Variants in AGPAT1 observed in about 807,000 individuals in gnomAD.
AGPAT1 encodes the protein 1-acylglycerol-3-phosphate O-acyltransferase 1, also known as 1-acyl-sn-glycerol-3-phosphate acyltransferase alpha.
Under a neutral mutation model 31.2 loss-of-function variants are expected in AGPAT1, and 6 were observed. The observed-to-expected ratio is 0.19, with a 90% CI of 0.11 to 0.38. AGPAT1 has a LOEUF of 0.38. Among genes scored for constraint, AGPAT1 ranks in the 10% least tolerant of loss-of-function variants. The pLI is 1.00. For synonymous variants in AGPAT1, 139 were observed against 154.0 expected, an observed-to-expected ratio of 0.90 and a Z score of 0.72; for missense variants, 187 against 377.8, an observed-to-expected ratio of 0.49 and a Z score of 4.19.
Position 32,171,006 on chromosome 6 carries a change from C to T in AGPAT1, c.265G>A (p.Ala89Thr). 1 of 1,612,702 alleles carries T rather than the reference C, an allele frequency of 6.2e-7. No individual in the cohort carries two copies. The highest frequency in any genetic ancestry group is 8.5e-7 in the Non-Finnish European group (1 of 1,179,940). The change falls in exon 3 of 7, where the codon GCT (alanine) becomes ACT (threonine). Residue 89 changes from alanine to threonine, a missense_variant. This residue lies in a region of AGPAT1 where 113 missense variants were observed against 283.1 expected (regional missense o/e 0.40). Coordinates refer to ENST00000375107, the MANE Select transcript of AGPAT1 (RefSeq NM_006411.4). The surrounding 1 kb of genome is among the most constrained non-coding windows in gnomAD (Gnocchi z 6.9). ...GGCTGCGAGGGAGGGAAGTGGTGAG[C>T]CCCTCGCACCTCCACTCGGATCCCG... ...LYGIRVEVRG[A>T]HHFPPSQPYV...
chr6:32,171,513 G>C lies in AGPAT1; in HGVS notation c.-9-8C>G. 6.4e-7 allele frequency: 1 copy of C among 1,561,588 alleles called. No homozygotes were observed. Among genetic ancestry groups the C allele is most frequent in the Non-Finnish European group, 8.6e-7 (1 of 1,156,382 alleles). ...CAAATCCATTCTGGCCACCTGCAGG[G>C]GATGGGGCAAGGGACAATCAGCCTG... is the stretch of plus-strand genomic sequence containing the variant. On this transcript the variant is annotated splice_region_variant and splice_polypyrimidine_tract_variant and intron_variant, in intron 1 of 6. Coordinates refer to ENST00000375107, the MANE Select transcript of AGPAT1 (RefSeq NM_006411.4). This position sits in a 1 kb window ranked among gnomAD's most constrained non-coding sequence, Gnocchi z 6.9.
At chr6:32,177,261 G>A (rs1785647467), upstream of AGPAT1, 12 of 395,390 alleles carry the variant, frequency 3.0e-5, 1 homozygote, top group African/African-American at 1.6e-4. Context: ...GTCACAGTGA[G>A]GGTCAGTGAT....
In AGPAT1 at chr6:32,171,107, T is replaced by C. The variant is rs753601449; in HGVS notation, c.201-37A>G. On this transcript the variant is annotated intron_variant, in intron 2 of 6. Coordinates refer to ENST00000375107, the MANE Select transcript of AGPAT1 (RefSeq NM_006411.4). This position sits in a 1 kb window ranked among gnomAD's most constrained non-coding sequence, Gnocchi z 6.9. ...TGGCAAGGGGTCCCAGTGGGATCCA[T>C]TGATGTCCATCTGCATGCCTCAGCT... is the stretch of plus-strand genomic sequence containing the variant. The C allele has an allele frequency of 1.7e-5, 27 of 1,602,230 alleles. No homozygotes were observed. The highest frequency in any genetic ancestry group is 1.5e-4 in the South Asian group (14 of 90,346).
In AGPAT1 at chr6:32,171,234, C is replaced by G; in HGVS notation, c.200+63G>C. On this transcript the variant is annotated intron_variant, in intron 2 of 6. Transcript: ENST00000375107. This position sits in a 1 kb window ranked among gnomAD's most constrained non-coding sequence, Gnocchi z 6.9. ...TCTACACACACCATGCCCCCTTCCC[C>G]CAATCCACTACTCACTTTGTACCCT... 1.2e-6 allele frequency: 2 copies of G among 1,611,658 alleles called. No homozygotes were observed. The highest frequency in any genetic ancestry group is 1.7e-6 in the Non-Finnish European group (2 of 1,178,988).
In AGPAT1 at chr6:32,171,807, T is replaced by C. The variant is rs1181661801; in HGVS notation, c.-9-302A>G. On this transcript the variant is annotated intron_variant, in intron 1 of 6. Transcript: ENST00000375107. The surrounding 1 kb of genome is among the most constrained non-coding windows in gnomAD (Gnocchi z 6.9). ...TGATAATAAATGACAACAAGAATAATAGCTAACACTTGTAGCTGGTAAGGG... is the reference window on the plus strand; with the variant it reads ...TGATAATAAATGACAACAAGAATAACAGCTAACACTTGTAGCTGGTAAGGG... 6 of 536,322 alleles carry C rather than the reference T, an allele frequency of 1.1e-5. No individual in the cohort carries two copies. The highest frequency in any genetic ancestry group is 3.2e-5 in the East Asian group (1 of 31,464). The allele number at this position is 536,322 out of a possible 1,614,324, so 33.2% of individuals were successfully genotyped here. A position where few individuals can be genotyped will look rare whatever the true frequency, so the allele number is the denominator to read the frequency against.
Position 32,168,982 on chromosome 6 carries a change from T to G in AGPAT1, c.*294A>C. 1 of 491,656 alleles carries G rather than the reference T, an allele frequency of 2.0e-6. No homozygotes were observed. Among genetic ancestry groups the G allele is most frequent in the Non-Finnish European group, 3.7e-6 (1 of 273,514 alleles). 30.5% of individuals were successfully genotyped at this position (491,656 alleles called of 1,614,324 possible). The stretch of plus-strand genomic sequence containing the variant: ...GGGGATGGAATGTTCCCCTCCCTTG[T>G]GTAGGCTGAGTCACTGGAGATGAGG... On this transcript the variant is annotated 3_prime_UTR_variant, in exon 7 of 7. Coordinates refer to ENST00000375107, the MANE Select transcript of AGPAT1 (RefSeq NM_006411.4). This position sits in a 1 kb window ranked among gnomAD's most constrained non-coding sequence, Gnocchi z 4.5.
At position 32,174,385 on chromosome 6, in the gene AGPAT1, A is replaced by G. The variant is rs952274702; in HGVS notation, c.-10+1429T>C. 6.6e-6 allele frequency among the ~76,000 whole-genome samples: 1 copy of G among 152,244 alleles called. No homozygotes were observed. Among genetic ancestry groups the G allele is most frequent in the African/African-American group, 2.4e-5 (1 of 41,474 alleles). ...TAATGGTAACCGACTCTGAATAGAT[A>G]CATGCAATACATAGCCATAATGAAG... On this transcript the variant is annotated intron_variant, in intron 1 of 6. Transcript: ENST00000375107. This position sits in a 1 kb window ranked among gnomAD's most constrained non-coding sequence, Gnocchi z 4.5.
rs1042001103 is a variant in AGPAT1, at chr6:32,170,454, C to T, written c.481G>A (p.Glu161Lys). ...RTGDAISVMS[E>K]VAQTLLTQDV... is the part of the protein sequence containing the mutation. ...TGGGTGAGCAGGGTCTGGGCGACCT[C>T]AGACATGACACTGATGGCATCCCCC... is the stretch of plus-strand genomic sequence containing the variant. The change falls in exon 4 of 7, where the codon GAG becomes AAG. Residue 161 changes from glutamate (E) to lysine (K), a missense_variant. Coordinates refer to ENST00000375107, the MANE Select transcript of AGPAT1 (RefSeq NM_006411.4). The surrounding 1 kb of genome is among the most constrained non-coding windows in gnomAD (Gnocchi z 7.7). 6.2e-7 allele frequency: 1 copy of T among 1,613,098 alleles called. No homozygotes were observed. Among genetic ancestry groups the T allele is most frequent in the Non-Finnish European group, 8.5e-7 (1 of 1,180,054 alleles).
Position 32,171,059 on chromosome 6 carries a change from A to C in AGPAT1, c.212T>G (p.Leu71Arg). Residue 71 changes from leucine (L) to arginine (R), a missense_variant, in exon 3 of 7, where the codon CTA (leucine) becomes CGA (arginine). Transcript: ENST00000375107. The surrounding 1 kb of genome is among the most constrained non-coding windows in gnomAD (Gnocchi z 6.9). The part of the protein sequence containing the change: ...RNVENMKILR[L>R]MLLHIKYLYG... ...CAGGTATTTGATGTGGAGCAGCATT[A>C]GACGCAAGATCCTGTGGGGTCATGG... The C allele has an allele frequency of 6.2e-7, 1 of 1,612,438 alleles. No individual in the cohort carries two copies. The highest frequency in any genetic ancestry group is 8.5e-7 in the Non-Finnish European group (1 of 1,179,684).
chr6:32,168,868 T>TG lies in AGPAT1; in HGVS notation c.*407dup, dbSNP rs1784792220. ...TCCATTGAATCCATGGACTTTGGAG[T>TG]GGGGGGGATTTGTTCCAAAGAATGG... On this transcript the variant is annotated 3_prime_UTR_variant, in exon 7 of 7. Coordinates refer to ENST00000375107, the MANE Select transcript of AGPAT1 (RefSeq NM_006411.4). The surrounding 1 kb of genome is among the most constrained non-coding windows in gnomAD (Gnocchi z 4.5). The TG allele has an allele frequency of 5.4e-6, 1 of 185,050 alleles. No individual in the cohort carries two copies. The allele number at this position is 185,050 out of a possible 1,614,324, so 11.5% of individuals were successfully genotyped here.
In AGPAT1 at chr6:32,174,023, T is replaced by C. The variant is rs912019033; in HGVS notation, c.-10+1791A>G. Among the ~76,000 whole-genome samples, 1 of 152,186 alleles carries C rather than the reference T, an allele frequency of 6.6e-6. No homozygotes were observed. Among genetic ancestry groups the C allele is most frequent in the Non-Finnish European group, 1.5e-5 (1 of 68,028 alleles). ...CATCGTGGCTGGCTAGCAATCTGTA[T>C]TTCAACAAGCCCTCTGGTGAGTCTG... On this transcript the variant is annotated intron_variant, in intron 1 of 6. Transcript: ENST00000375107. The surrounding 1 kb of genome is among the most constrained non-coding windows in gnomAD (Gnocchi z 4.5).
chr6:32,169,550 T>G lies in AGPAT1; in HGVS notation c.680-102A>C. 14 of 1,416,710 alleles carry G rather than the reference T, an allele frequency of 9.9e-6. No homozygotes were observed. The highest frequency in any genetic ancestry group is 1.3e-5 in the Non-Finnish European group (13 of 1,039,746). The allele number at this position is 1,416,710 out of a possible 1,614,324, so 87.8% of individuals were successfully genotyped here. On this transcript the variant is annotated intron_variant, in intron 6 of 6. Coordinates refer to ENST00000375107, the MANE Select transcript of AGPAT1 (RefSeq NM_006411.4). The surrounding 1 kb of genome is among the most constrained non-coding windows in gnomAD (Gnocchi z 5.9). ...ACTCTTCCTCAACCTTTCAGTTCTC[T>G]TCCCCCAACCCTGGACAACCATCCC...
chr6:32,177,795 A>G (rs967507624), upstream of AGPAT1: 2 of 152,058 alleles, frequency 1.3e-5, no homozygotes, highest in African/African-American at 4.8e-5. Context: ...CAATCAGGGG[A>G]AAAGGAAAAG....
At position 32,168,215 on chromosome 6, in the gene AGPAT1, C is replaced by G; in HGVS notation, c.*1061G>C. ...AATGCAACCACCAACACCCAGATCTCTCTCTCTCTTTATTTTCAGTTTTTT... is the reference window on the plus strand; with the variant it reads ...AATGCAACCACCAACACCCAGATCTGTCTCTCTCTTTATTTTCAGTTTTTT... On this transcript the variant is annotated 3_prime_UTR_variant, in exon 7 of 7. Coordinates refer to ENST00000375107, the MANE Select transcript of AGPAT1 (RefSeq NM_006411.4). This position sits in a 1 kb window ranked among gnomAD's most constrained non-coding sequence, Gnocchi z 4.5. 2.0e-6 allele frequency: 1 copy of G among 492,920 alleles called. No homozygotes were observed. Among genetic ancestry groups the G allele is most frequent in the Admixed American group, 3.4e-5 (1 of 29,294 alleles). The allele number at this position is 492,920 out of a possible 1,614,324, so 30.5% of individuals were successfully genotyped here.
upstream of AGPAT1, chr6:32,177,024 C>T (rs1428188821): frequency 2.5e-6 from 1 of 398,506 alleles, no homozygotes; most frequent in African/African-American, 2.1e-5. Flanking sequence ...TCATTTCCAC[C>T]TTTCCCTCTC....
chr6:32,178,077 G>A (rs184315351), upstream of AGPAT1: 1 of 153,750 alleles, frequency 6.5e-6, no homozygotes, highest in Admixed American at 6.5e-5. Context: ...ATAGCAATCC[G>A]GACATTCTCT....
chr6:32,176,188 C>T (rs1198539097), upstream of AGPAT1: 4 of 972,308 alleles, frequency 4.1e-6, no homozygotes, highest in Non-Finnish European at 4.9e-6. Context: ...CCCAGAAACT[C>T]TGGCATCTCC....
Position 32,168,394 on chromosome 6 carries a change from C to G in AGPAT1, c.*882G>C, listed in dbSNP as rs1375181423. On this transcript the variant is annotated 3_prime_UTR_variant, in exon 7 of 7. Transcript: ENST00000375107. The surrounding 1 kb of genome is among the most constrained non-coding windows in gnomAD (Gnocchi z 4.5). Reference sequence around the variant, plus strand: ...CACCAGGAAGAAATGAAAACTGGCTCAGAGAGGGGGAAGCCTCAACAGAAA... The same window carrying G: ...CACCAGGAAGAAATGAAAACTGGCTGAGAGAGGGGGAAGCCTCAACAGAAA... The G allele has an allele frequency of 2.9e-5, 5 of 170,614 alleles. No homozygotes were observed. The highest frequency in any genetic ancestry group is 1.2e-4 in the African/African-American group (5 of 42,104). 10.6% of individuals were successfully genotyped at this position (170,614 alleles called of 1,614,324 possible).
Position 32,171,517 on chromosome 6 carries a change from G to A in AGPAT1, c.-9-12C>T. On this transcript the variant is annotated splice_polypyrimidine_tract_variant and intron_variant, in intron 1 of 6. Transcript: ENST00000375107. The surrounding 1 kb of genome is among the most constrained non-coding windows in gnomAD (Gnocchi z 6.9). ...TCCATTCTGGCCACCTGCAGGGGAT[G>A]GGGCAAGGGACAATCAGCCTGGTTT... The A allele has an allele frequency of 2.6e-6, 4 of 1,557,468 alleles. No homozygotes were observed. Among genetic ancestry groups the A allele is most frequent in the Non-Finnish European group, 3.5e-6 (4 of 1,154,546 alleles).
Sources: gnomAD v4.1 joint callset for allele counts (sites outside exome capture counted in the v4.1 genomes callset) on GRCh38, gnomAD v4.1.1 for gene constraint, gnomAD v4.1.1 regional missense constraint, Gnocchi (gnomAD v3.1) non-coding constraint, MANE v1.5 for transcripts, NCBI Gene and HGNC (gene_info 2026-07-23, HGNC 2026-07-21) for gene names.